Variants in UNC79 observed in about 807,000 individuals in gnomAD.
The protein encoded by UNC79 is protein unc-79 homolog.
Under a neutral mutation model 283.1 loss-of-function variants are expected in UNC79, and 37 were observed. The ratio of observed to expected loss-of-function variants is 0.13; its 90% CI spans 0.10 to 0.17. The LOEUF is 0.17. Ranked by LOEUF, UNC79 falls within the 10% of genes least tolerant of loss-of-function variation. The probability of loss-of-function intolerance (pLI) is 1.00; values close to 1 mark genes in which losing one functional copy is unlikely to be tolerated. For synonymous variants in UNC79, 1,107 were observed against 1,200.2 expected, an observed-to-expected ratio of 0.92 and a Z score of 1.61; for missense variants, 2,272 against 3,211.1, an observed-to-expected ratio of 0.71 and a Z score of 7.07.
At chr14:93,641,349 C>A (rs540105260) in intron 33 of UNC79, 102 bp downstream of exon 36, 2 of 1,157,998 alleles carry the variant, frequency 1.7e-6, no homozygotes, top group Non-Finnish European at 2.5e-6. Flanking sequence ...GCTTTTAAGT[C>A]ATAATTTGTT....
chr14:93,580,419 T>A (rs1380603460), intron 19 of UNC79, 43 bp downstream of exon 19: 1 of 1,571,366 alleles, frequency 6.4e-7, no homozygotes, highest in Admixed American at 1.8e-5. Context: ...ATAATAGCAT[T>A]AAAGACTGCA....
At chr14:93,694,157 A>G (rs956798657) in intron 46 of UNC79, among the ~76,000 whole-genome samples, 178 bp from the exon 50 acceptor site, 1 of 152,164 alleles carries the variant, frequency 6.6e-6, no homozygotes, top group Non-Finnish European at 1.5e-5. Context: ...CTTTTTTAAA[A>G]TTCTTTTTCT....
intron 11 of UNC79, among the ~76,000 whole-genome samples, chr14:93,534,041 C>G (rs2060948730): frequency 6.6e-6 from 1 of 152,172 alleles, no homozygotes; most frequent in African/African-American, 2.4e-5. Context: ...TCTCTGCACC[C>G]AAGACACAAT....
intron 14 of UNC79, among the ~76,000 whole-genome samples, chr14:93,555,304 A>G (rs1416112658): frequency 0.038 from 1 of 26 alleles, no homozygotes; most frequent in Non-Finnish European, 0.045. Context: ...GTAGTAAGAC[A>G]TCACATACAT....
rs181006678 is a variant in UNC79 at position 93,567,522 on chromosome 14, C to T, written c.1756-4372C>T. ...GATTACCGGTGTGAGCCACCATGCC[C>T]GGCCTCACTTTTCTTTTCTGTCCGT... On this transcript the variant is annotated intron_variant, in intron 14 of 48. Transcript: ENST00000555664. 8.5e-5 allele frequency among the ~76,000 whole-genome samples: 13 copies of T among 152,158 alleles called. No individual in the cohort carries two copies. In the East Asian group the frequency reaches 1.9e-3, roughly 23 times the overall value.
intron 17 of UNC79, among the ~76,000 whole-genome samples, chr14:93,576,508 A>G (rs1032383007): frequency 3.3e-5 from 5 of 152,254 alleles, no homozygotes; most frequent in Non-Finnish European, 7.3e-5. Context: ...GTCCTGATTC[A>G]GAATTTATCC....
intron 35 of UNC79, among the ~76,000 whole-genome samples, chr14:93,650,781 T>C (rs538821606): frequency 6.6e-6 from 1 of 152,342 alleles, no homozygotes; most frequent in East Asian, 1.9e-4. Context: ...AAATGTTTAA[T>C]TTAGGTGAAT....
chr14:93,431,975 T>G (rs1464090701), intron 1 of UNC79, among the ~76,000 whole-genome samples: 1 of 152,238 alleles, frequency 6.6e-6, no homozygotes, highest in Non-Finnish European at 1.5e-5. Context: ...ATAAAAGACG[T>G]TTTTATTAAG....
intron 19 of UNC79, among the ~76,000 whole-genome samples, chr14:93,581,302 C>T (rs959523104): frequency 6.0e-5 from 9 of 149,428 alleles, no homozygotes; most frequent in Admixed American, 1.3e-4. Flanking sequence ...TCAGCCTCCT[C>T]GGTAACTGGA....
rs58267219 is a variant in UNC79, at chr14:93,361,211, CAAA to C, written c.-351+27711_-351+27713del. On this transcript the variant is annotated intron_variant, in intron 1 of 49. Transcript: ENST00000256339. ...TGGGTGACAGAGCAAGACTCTGTCT[CAAA>C]AAAAAAAAAAAAAAAAAAAAAAGAA... 1.2e-3 allele frequency among the ~76,000 whole-genome samples: 67 copies of C among 54,360 alleles called. 1 individual carries two copies. Among genetic ancestry groups the C allele is most frequent in the Middle Eastern group, 0.018 (1 of 56 alleles). 35.7% of individuals were successfully genotyped at this position (54,360 alleles called of 152,430 possible).
chr14:93,506,502 T>C (rs7151663), intron 7 of UNC79, among the ~76,000 whole-genome samples: 4,495 of 152,278 alleles, frequency 0.03, 235 homozygotes, highest in African/African-American at 0.1. Flanking sequence ...CTCATTTTCA[T>C]TGTTTCTATA....
At chr14:93,420,309 G>T (rs2055568299) in intron 1 of UNC79, among the ~76,000 whole-genome samples, 1 of 151,548 alleles carries the variant, frequency 6.6e-6, no homozygotes, top group Non-Finnish European at 1.5e-5. Context: ...AAGAGCAGGA[G>T]TGGCTATATT....
intron 14 of UNC79, among the ~76,000 whole-genome samples, chr14:93,570,768 A>G (rs1326075420): frequency 3.9e-5 from 6 of 152,216 alleles, no homozygotes. Context: ...AAGCTCTTCC[A>G]ACCCAAAGGA....
chr14:93,522,954 C>T (rs767664226), intron 7 of UNC79, among the ~76,000 whole-genome samples: 15 of 152,010 alleles, frequency 9.9e-5, no homozygotes, highest in Non-Finnish European at 1.8e-4. Context: ...TAAATTAGCT[C>T]GGATCATTAA....
At chr14:93,582,280 G>A in exon 20 of UNC79, 1 of 1,614,178 alleles carries the variant, frequency 6.2e-7, no homozygotes, top group South Asian at 1.1e-5. Context: ...GGGAGGAGGA[G>A]GAGAATCCTG....
intron 22 of UNC79, among the ~76,000 whole-genome samples, chr14:93,589,204 G>A (rs2064471933): frequency 6.6e-6 from 1 of 152,122 alleles, no homozygotes; most frequent in Non-Finnish European, 1.5e-5. Flanking sequence ...TTTTTCTCCG[G>A]CGCTCAGGGG....
chr14:93,699,483 C>G (rs924396401), intron 47 of UNC79, among the ~76,000 whole-genome samples: 2 of 152,162 alleles, frequency 1.3e-5, no homozygotes, highest in Non-Finnish European at 2.9e-5. Flanking sequence ...CATTTCCATT[C>G]AGATCAAAAT....
chr14:93,608,146 C>T (rs1183460116), intron 26 of UNC79, among the ~76,000 whole-genome samples: 1 of 152,118 alleles, frequency 6.6e-6, no homozygotes, highest in East Asian at 1.9e-4. Flanking sequence ...AGGTGTGTGC[C>T]ACAAATGCTT....
Position 93,507,014 on chromosome 14 carries a change from A to G in UNC79, c.898+9728A>G, listed in dbSNP as rs946085187. On this transcript the variant is annotated intron_variant, in intron 7 of 48. Coordinates refer to ENST00000555664, the Ensembl canonical transcript of UNC79. ...GGTAAATGGAGATCAAACATGATAC[A>G]TTTTTTCATTTCTGAATCCATTCAG... Among the ~76,000 whole-genome samples the G allele has an allele frequency of 5.9e-5, 9 of 152,268 alleles. No individual in the cohort carries two copies. In the South Asian group the frequency reaches 1.7e-3, roughly 28 times the overall value.
Sources: gnomAD v4.1 joint callset for allele counts (sites outside exome capture counted in the v4.1 genomes callset) on GRCh38, gnomAD v4.1.1 for gene constraint, MANE v1.5 for transcripts, NCBI Gene and HGNC (gene_info 2026-07-23, HGNC 2026-07-21) for gene names.